FAM13B: variants seen among roughly 807,000 people sequenced by gnomAD.
FAM13B encodes protein FAM13B.
FAM13B carries 60 observed loss-of-function variants against 117.3 expected under a neutral mutation model. The ratio of observed to expected loss-of-function variants is 0.51; its 90% CI spans 0.42 to 0.63. The LOEUF (loss-of-function observed/expected upper bound fraction) is 0.63. Ranked by LOEUF, FAM13B falls within the 30% of genes least tolerant of loss-of-function variation. The pLI, the probability that FAM13B is intolerant of heterozygous loss-of-function variation, is 0.00. For synonymous variants in FAM13B, 332 were observed against 356.1 expected, an observed-to-expected ratio of 0.93 and a Z score of 0.76; for missense variants, 972 against 1,091.9, an observed-to-expected ratio of 0.89 and a Z score of 1.55.
chr5:137,950,450 A>G (rs1481350755), intron 17 of FAM13B, among the ~76,000 whole-genome samples: 1 of 152,176 alleles, frequency 6.6e-6, no homozygotes, highest in African/African-American at 2.4e-5. Context: ...CAGACTGTGC[A>G]AGGCCTTGAA....
At chr5:137,952,499 G>A (rs571795955) in intron 17 of FAM13B, 129 bp downstream of exon 17, 2 of 609,388 alleles carry the variant, frequency 3.3e-6, no homozygotes, top group Admixed American at 3.1e-5. Flanking sequence ...AACAAAAAAA[G>A]GTAACTTTTA....
At chr5:137,960,274 A>G in intron 11 of FAM13B, 60 bp from the exon 12 acceptor site, 2 of 985,492 alleles carry the variant, frequency 2.0e-6, no homozygotes, top group South Asian at 3.1e-5. Flanking sequence ...ATCATTATAT[A>G]TTTCTTACCT....
chr5:138,040,105 A>G (rs964848031), intron 1 of FAM13B: 1 of 151,270 alleles, frequency 6.6e-6, no homozygotes, highest in South Asian at 2.1e-4. Flanking sequence ...TCTCTACTAA[A>G]AATACAAAGT....
intron 10 of FAM13B, among the ~76,000 whole-genome samples, chr5:137,970,718 C>T (rs1771834825): frequency 6.6e-6 from 1 of 152,150 alleles, no homozygotes; most frequent in Non-Finnish European, 1.5e-5. Flanking sequence ...GGAAACCCAT[C>T]TCACGGGCAA....
intron 6 of FAM13B, among the ~76,000 whole-genome samples, chr5:138,009,404 C>T (rs1444992971): frequency 6.6e-6 from 1 of 152,040 alleles, no homozygotes; most frequent in Non-Finnish European, 1.5e-5. Flanking sequence ...ATCCTCTTTC[C>T]CCATCTACGT....
chr5:138,015,888 T>C (rs1237169563), intron 4 of FAM13B, among the ~76,000 whole-genome samples: 1 of 152,218 alleles, frequency 6.6e-6, no homozygotes, highest in Non-Finnish European at 1.5e-5. Flanking sequence ...AACGGGTGTA[T>C]ATGTGCACAC....
chr5:137,954,121 TAC>T, intron 15 of FAM13B, 43 bp downstream of exon 15: 3 of 1,380,960 alleles, frequency 2.2e-6, no homozygotes, highest in Non-Finnish European at 3.1e-6. Context: ...AAGACTTGGG[TAC>T]ATAATAGGAA....
At chr5:138,020,163 C>T (rs76884525) in intron 2 of FAM13B, among the ~76,000 whole-genome samples, 2,247 of 151,932 alleles carry the variant, frequency 0.015, 26 homozygotes, top group Non-Finnish European at 0.021. Context: ...TGGGTTCAGG[C>T]GGTTCTCCTG....
chr5:137,983,919 G>A (rs997878430), intron 10 of FAM13B, among the ~76,000 whole-genome samples: 1 of 152,118 alleles, frequency 6.6e-6, no homozygotes, highest in African/African-American at 2.4e-5. Flanking sequence ...CCCTACTTTA[G>A]TGGATGGTTT....
At chr5:137,957,540 CAAAAAAAA>C (rs35104775) in intron 13 of FAM13B, among the ~76,000 whole-genome samples, 2 of 55,432 alleles carry the variant, frequency 3.6e-5, no homozygotes, top group Admixed American at 1.8e-4. Context: ...AACTCCGTCT[CAAAAAAAA>C]AAAAAAAAAA....
intron 7 of FAM13B, 66 bp downstream of exon 7, chr5:138,006,924 G>T: frequency 1.4e-6 from 2 of 1,418,348 alleles, no homozygotes; most frequent in Non-Finnish European, 9.4e-7. Context: ...GTTTCTGAAT[G>T]CTGGAGTGAG....
chr5:138,046,377 TTATCTC>T (rs1319255272), intron 1 of FAM13B, among the ~76,000 whole-genome samples: 1 of 152,208 alleles, frequency 6.6e-6, no homozygotes, highest in African/African-American at 2.4e-5. Flanking sequence ...GGATGGTGGT[TTATCTC>T]TAAGAAGAGA....
At chr5:137,974,586 G>A (rs1201458039) in intron 10 of FAM13B, among the ~76,000 whole-genome samples, 3 of 144,432 alleles carry the variant, frequency 2.1e-5, no homozygotes, top group Admixed American at 7.2e-5. Context: ...TTGTGCACAT[G>A]TACCCTAAAA....
chr5:138,019,055 T>C lies in FAM13B; in HGVS notation c.57A>G (p.Lys19=). The stretch of plus-strand genomic sequence containing the variant: ...GCTCATCAAGTGGAATTCCAAATAT[T>C]TTGTTAGCAAGAACGGAGTTGCAGT... ...LSNCNSVLAN[K]IFGIPLDELQ... is the part of the protein sequence containing the mutation. The change falls in exon 3 of 24, where the codon AAA becomes AAG. Residue 19 remains lysine (K), a synonymous_variant. Transcript: ENST00000689681. 1 of 1,614,112 alleles carries C rather than the reference T, an allele frequency of 6.2e-7. No individual in the cohort carries two copies. The highest frequency in any genetic ancestry group is 8.5e-7 in the Non-Finnish European group (1 of 1,179,984).
At chr5:138,013,404 G>A (rs1784525421) in intron 4 of FAM13B, among the ~76,000 whole-genome samples, 1 of 151,806 alleles carries the variant, frequency 6.6e-6, no homozygotes, top group Non-Finnish European at 1.5e-5. Context: ...AGGAGACTGA[G>A]GCAGGAGAAT....
At chr5:137,982,981 C>G (rs1248407854) in intron 10 of FAM13B, among the ~76,000 whole-genome samples, 1 of 151,918 alleles carries the variant, frequency 6.6e-6, no homozygotes, top group East Asian at 1.9e-4. Context: ...CAAAACAGGT[C>G]TGGACTCGAG....
Position 138,011,954 on chromosome 5 carries a change from CAAT to C in FAM13B, c.371-12_371-10del. 1.9e-6 allele frequency: 3 copies of C among 1,549,418 alleles called. No individual in the cohort carries two copies. The highest frequency in any genetic ancestry group is 1.4e-5 in the African/African-American group (1 of 71,218). The stretch of plus-strand genomic sequence containing the variant: ...ATCTTCATTATTATAATCTATAAAA[CAAT>C]AATAACAGGTTTTTTTCAATAAAGG... On this transcript the variant is annotated splice_polypyrimidine_tract_variant and intron_variant, in intron 4 of 23. Coordinates refer to ENST00000689681, the MANE Select transcript of FAM13B (RefSeq NM_001385994.1).
At chr5:138,047,218 A>G (rs1791666861) in intron 1 of FAM13B, among the ~76,000 whole-genome samples, 1 of 151,830 alleles carries the variant, frequency 6.6e-6, no homozygotes, top group African/African-American at 2.4e-5. Context: ...AAAGATGTCC[A>G]CATTCAGACC....
intron 1 of FAM13B, among the ~76,000 whole-genome samples, chr5:138,046,583 G>T (rs914811195): frequency 6.6e-6 from 1 of 152,176 alleles, no homozygotes; most frequent in Non-Finnish European, 1.5e-5. Context: ...GAAACAACAG[G>T]AAGTGTAAGT....
Sources: allele counts gnomAD v4.1 joint callset (sites outside exome capture counted in the v4.1 genomes callset), GRCh38; gene constraint gnomAD v4.1.1; transcripts MANE v1.5; gene names NCBI Gene and HGNC (gene_info 2026-07-23, HGNC 2026-07-21).